The following KIFBP variants were observed in gnomAD, a reference collection of about 807,000 sequenced individuals.
KIFBP encodes the protein KIF-binding protein.
In KIFBP, 46 loss-of-function variants were observed where a neutral mutation model predicts 58.9. That is an observed-to-expected ratio of 0.78 (90% CI 0.62 to 1.00). KIFBP has a LOEUF of 1.00. KIFBP is among the 50% of genes least tolerant of loss of function. KIFBP has a pLI of 0.00. For missense variants in KIFBP, 651 were observed against 752.9 expected (o/e 0.86, Z 1.58); for synonymous variants, 241 against 283.4 (o/e 0.85, Z 1.50).
intron 1 of KIFBP, among the ~76,000 whole-genome samples, chr10:68,998,987 G>C (rs1300665600): frequency 6.6e-6 from 1 of 151,476 alleles, no homozygotes; most frequent in African/African-American, 2.4e-5. Context: ...CACCACGTTG[G>C]CCAGGCTGGT....
At chr10:68,994,741 G>T (rs757303270) in intron 1 of KIFBP, among the ~76,000 whole-genome samples, 2 of 152,026 alleles carry the variant, frequency 1.3e-5, no homozygotes, top group Non-Finnish European at 1.5e-5. Context: ...GGTACAGTTT[G>T]ATGAGTTTTG....
Position 69,004,762 on chromosome 10 carries a change from G to T in KIFBP, c.526-284G>T, listed in dbSNP as rs149924475. Among the ~76,000 whole-genome samples, 35 of 152,266 alleles carry T rather than the reference G, an allele frequency of 2.3e-4. No individual in the cohort carries two copies. In the East Asian group the frequency reaches 6.6e-3, roughly 29 times the overall value. On this transcript the variant is annotated intron_variant, in intron 2 of 6. Transcript: ENST00000361983. ...ACCTGTGGTTCCAGCTACTCAGGAG[G>T]CTGAGGTAGGAGGATTGCTTGAGGT...
intron 1 of KIFBP, among the ~76,000 whole-genome samples, chr10:68,998,295 CTTCT>C (rs1484860378): frequency 6.6e-6 from 1 of 152,016 alleles, no homozygotes; most frequent in African/African-American, 2.4e-5. Context: ...AATATATATG[CTTCT>C]TTATTAACAC....
At chr10:68,998,773 T>TATATATA (rs1228728232) in intron 1 of KIFBP, among the ~76,000 whole-genome samples, 1,359 of 59,658 alleles carry the variant, frequency 0.023, 5 homozygotes, top group African/African-American at 0.041. Context: ...ATATATATAT[T>TATATATA]TTTTTTTTTT....
At chr10:68,996,796 T>C (rs1843412121) in intron 1 of KIFBP, among the ~76,000 whole-genome samples, 1 of 151,996 alleles carries the variant, frequency 6.6e-6, no homozygotes, top group Non-Finnish European at 1.5e-5. Flanking sequence ...GAGGTTGCAG[T>C]GAGCCAAGAT....
At chr10:69,008,391 A>AAATATATAT in intron 4 of KIFBP, among the ~76,000 whole-genome samples, 1,108 of 71,530 alleles carry the variant, frequency 0.015, 22 homozygotes, top group Non-Finnish European at 0.02. Context: ...AAAAAAAAAA[A>AAATATATAT]ATATATATAT....
chr10:68,993,778 G>T lies in KIFBP; in HGVS notation c.426+4520G>T, dbSNP rs145976605. Among the ~76,000 whole-genome samples the T allele has an allele frequency of 5.9e-4, 90 of 152,202 alleles. 2 individuals are homozygous for T. In the East Asian group the frequency reaches 0.017, roughly 28 times the overall value. ...CTAAACAAAGCTTTTAAAAGCTCCTGCAACCTCAAGGTTGTTAACCTGGTC... is the reference window on the plus strand; with the variant it reads ...CTAAACAAAGCTTTTAAAAGCTCCTTCAACCTCAAGGTTGTTAACCTGGTC... On this transcript the variant is annotated intron_variant, in intron 1 of 6. Coordinates refer to ENST00000361983, the MANE Select transcript of KIFBP (RefSeq NM_015634.4).
At chr10:69,013,141 C>T (rs1316098741) in intron 6 of KIFBP, among the ~76,000 whole-genome samples, 1 of 152,080 alleles carries the variant, frequency 6.6e-6, no homozygotes, top group Non-Finnish European at 1.5e-5. Context: ...AGGAAATCTG[C>T]CCCCAGTGAT....
chr10:69,005,119 CA>C lies in KIFBP; in HGVS notation c.604del (p.Arg202AspfsTer13). ...EEEKLTEQER[S>X]KRFEKVYTHN... ...GAGAAACTTACTGAACAAGAGAGAT[CA>C]AAAAGGTGAGTAGGTATAGAAATCA... On this transcript the variant is annotated frameshift_variant, in exon 3 of 7. Transcript: ENST00000361983. LOFTEE classifies it high-confidence loss of function. 1.2e-6 allele frequency: 2 copies of C among 1,608,244 alleles called. No individual in the cohort carries two copies. Among genetic ancestry groups the C allele is most frequent in the Admixed American group, 1.7e-5 (1 of 60,000 alleles).
intron 4 of KIFBP, among the ~76,000 whole-genome samples, chr10:69,008,323 C>A (rs570320478): frequency 2.1e-5 from 3 of 141,606 alleles, no homozygotes; most frequent in East Asian, 2.1e-4. Flanking sequence ...CTGCAGTGAA[C>A]TATGATTGTG....
At chr10:69,013,132 G>A (rs1356626810) in intron 6 of KIFBP, among the ~76,000 whole-genome samples, 1 of 152,066 alleles carries the variant, frequency 6.6e-6, no homozygotes, top group Non-Finnish European at 1.5e-5. Context: ...ACAGCAAGGA[G>A]GAAATCTGCC....
chr10:69,008,845 G>A lies in KIFBP; in HGVS notation c.794G>A (p.Cys265Tyr), dbSNP rs149706162. The A allele has an allele frequency of 2.4e-5, 39 of 1,612,160 alleles. No homozygotes were observed. Among genetic ancestry groups the A allele is most frequent in the African/African-American group, 6.7e-5 (5 of 74,844 alleles). The stretch of plus-strand genomic sequence containing the variant: ...TGTTGTTTATTTCCCCAATAGCTAT[G>A]CTTTATGGAGGCCAGGCACTGTTTA... ...TLSQFYINKL[C>Y]FMEARHCLSA... The change falls in exon 5 of 7, where the codon TGC becomes TAC. Residue 265 changes from cysteine to tyrosine, a missense_variant. Coordinates refer to ENST00000361983, the MANE Select transcript of KIFBP (RefSeq NM_015634.4).
chr10:68,990,726 C>G (rs1026131174), intron 1 of KIFBP, among the ~76,000 whole-genome samples: 1 of 152,050 alleles, frequency 6.6e-6, no homozygotes, highest in African/African-American at 2.4e-5. Flanking sequence ...GCAGGAGGAT[C>G]GCTTGAGCCC....
rs755318029 is a variant in KIFBP, at chr10:69,005,126, G to A, written c.605+1G>A. ...TTACTGAACAAGAGAGATCAAAAAG[G>A]TGAGTAGGTATAGAAATCAGCCCTT... On this transcript the variant is annotated splice_donor_variant, in intron 3 of 6. Coordinates refer to ENST00000361983, the MANE Select transcript of KIFBP (RefSeq NM_015634.4). LOFTEE classifies it high-confidence loss of function. The A allele has an allele frequency of 1.1e-5, 17 of 1,601,680 alleles. No homozygotes were observed. The highest frequency in any genetic ancestry group is 1.3e-5 in the Non-Finnish European group (15 of 1,168,824).
intron 2 of KIFBP, among the ~76,000 whole-genome samples, chr10:69,003,010 C>T (rs961767360): frequency 7.2e-6 from 1 of 139,498 alleles, no homozygotes; most frequent in African/African-American, 2.8e-5. Context: ...GAGTTCAAGA[C>T]CAACATGAGC....
At chr10:69,005,980 T>A in intron 4 of KIFBP, 65 bp downstream of exon 4, 1 of 1,402,590 alleles carries the variant, frequency 7.1e-7, no homozygotes, top group Non-Finnish European at 1.0e-6. Context: ...GAACCAGTAG[T>A]ACCTTGAAAA....
chr10:68,997,976 G>T (rs1843424540), intron 1 of KIFBP, among the ~76,000 whole-genome samples: 1 of 151,698 alleles, frequency 6.6e-6, no homozygotes, highest in Non-Finnish European at 1.5e-5. Context: ...AACCATGATT[G>T]TAAGTTTCCC....
At chr10:69,013,037 GGAGA>G (rs377167248) in intron 6 of KIFBP, among the ~76,000 whole-genome samples, 3 of 151,674 alleles carry the variant, frequency 2.0e-5, no homozygotes, top group Admixed American at 1.3e-4. Context: ...ATGGCAAGCA[GGAGA>G]GAGAGAGAGG....
In KIFBP at chr10:68,989,035, G is replaced by A. The variant is rs1206217818; in HGVS notation, c.203G>A (p.Gly68Asp). 2.5e-6 allele frequency: 4 copies of A among 1,613,510 alleles called. No homozygotes were observed. Among genetic ancestry groups the A allele is most frequent in the Non-Finnish European group, 3.4e-6 (4 of 1,179,708 alleles). Residue 68 changes from glycine (G) to aspartate (D), a missense_variant, in exon 1 of 7, where the codon GGT (glycine) becomes GAT (aspartate). Coordinates refer to ENST00000361983, the MANE Select transcript of KIFBP (RefSeq NM_015634.4). ...DERPEAEDGPGAGDHALGLPA... is the reference protein window; with the variant it reads ...DERPEAEDGPDAGDHALGLPA... Reference sequence around the variant, plus strand: ...CGGCCTGAGGCCGAGGACGGCCCGGGTGCCGGTGACCACGCCCTGGGGCTG... The same window carrying A: ...CGGCCTGAGGCCGAGGACGGCCCGGATGCCGGTGACCACGCCCTGGGGCTG...
Sources: allele counts gnomAD v4.1 joint callset (sites outside exome capture counted in the v4.1 genomes callset), GRCh38; gene constraint gnomAD v4.1.1; transcripts MANE v1.5; gene names NCBI Gene and HGNC (gene_info 2026-07-23, HGNC 2026-07-21).